ZNF813: variants seen among roughly 807,000 people sequenced by gnomAD.
ZNF813 encodes zinc finger protein 813.
Under a neutral mutation model 7.2 loss-of-function variants are expected in ZNF813, and 3 were observed. The observed-to-expected ratio is 0.42, with a 90% CI of 0.19 to 1.08. The LOEUF (loss-of-function observed/expected upper bound fraction) is 1.08. Ranked by LOEUF, ZNF813 falls within the 50% of genes least tolerant of loss-of-function variation. The probability of loss-of-function intolerance (pLI) is 0.30; values close to 1 mark genes in which losing one functional copy is unlikely to be tolerated. For synonymous variants in ZNF813, 227 were observed against 256.3 expected (o/e 0.89, Z 1.09); for missense variants, 714 against 753.3 (o/e 0.95, Z 0.61).
chr19:53,468,528 A>G (rs2086339856), intron 1 of ZNF813, among the ~76,000 whole-genome samples: 1 of 152,108 alleles, frequency 6.6e-6, no homozygotes. Flanking sequence ...CATTATTTTT[A>G]CTGTCCTAGT....
chr19:53,491,092 C>T lies in ZNF813; in HGVS notation c.860C>T (p.Thr287Ile), dbSNP rs2086458517. 6.2e-7 allele frequency: 1 copy of T among 1,614,054 alleles called. No homozygotes were observed. The highest frequency in any genetic ancestry group is 8.5e-7 in the Non-Finnish European group (1 of 1,179,982). Residue 287 changes from threonine to isoleucine, a missense_variant, in exon 4 of 4, where the codon ACA (threonine) becomes ATA (isoleucine). Around this residue, in one of 3 missense-constraint regions of ZNF813, gnomAD observed 563 missense variants for 554.2 expected, o/e 1.02. Coordinates refer to ENST00000396403, the MANE Select transcript of ZNF813 (RefSeq NM_001004301.4). ...GKTFSQTYSL[T>I]CHRRLHTGEK... Reference sequence around the variant, plus strand: ...ACTTTCAGTCAGACGTATTCCCTTACATGCCATCGTAGACTTCATACTGGA... The same window carrying T: ...ACTTTCAGTCAGACGTATTCCCTTATATGCCATCGTAGACTTCATACTGGA...
chr19:53,486,860 G>A lies in ZNF813; in HGVS notation c.142+102G>A, dbSNP rs186934760. ...GTCTTGCTCTGTCACCCAGGGTGGAGTGAAATGGTGTGATCATGGCTCACT... is the reference window on the plus strand; with the variant it reads ...GTCTTGCTCTGTCACCCAGGGTGGAATGAAATGGTGTGATCATGGCTCACT... On this transcript the variant is annotated intron_variant, in intron 3 of 3. Transcript: ENST00000396403. 4.5e-4 allele frequency: 707 copies of A among 1,569,806 alleles called. 4 individuals are homozygous for A. In the African/African-American group the frequency reaches 8.3e-3, roughly 18 times the overall value.
rs2086403956 is a variant in ZNF813, at chr19:53,480,677, G to C, written c.-73-3073G>C. ...CCTTTTACCTTAACATCAAAATGTA[G>C]TTTAACCAGTTAGTGTATTTTTCAG... On this transcript the variant is annotated intron_variant, in intron 1 of 3. Transcript: ENST00000396403. Among the ~76,000 whole-genome samples the C allele has an allele frequency of 3.9e-5, 6 of 152,312 alleles. No individual in the cohort carries two copies. The South Asian group carries it at 1.2e-3, about 32-fold the overall frequency.
chr19:53,486,990 T>A (rs201119030), intron 3 of ZNF813, among the ~76,000 whole-genome samples: 7 of 149,430 alleles, frequency 4.7e-5, no homozygotes, highest in East Asian at 2.0e-4. Context: ...AGTTTTTTTT[T>A]TTTTTTTTTT....
At position 53,493,437 on chromosome 19, in the gene ZNF813, A is replaced by G. The variant is rs1264365710; in HGVS notation, c.*1351A>G. On this transcript the variant is annotated 3_prime_UTR_variant, in exon 4 of 4. Transcript: ENST00000396403. ...TTCTCACCTTTTTACTTTTATTTCT[A>G]TTTCTTTAAGTTCTCTAGCAAATGG... The G allele has an allele frequency of 6.6e-6, 1 of 151,774 alleles. No individual in the cohort carries two copies. Among genetic ancestry groups the G allele is most frequent in the African/African-American group, 2.4e-5 (1 of 41,102 alleles). The allele number at this position is 151,774 out of a possible 1,614,324, so 9.4% of individuals were successfully genotyped here.
rs578167413 is a variant in ZNF813, at chr19:53,487,743, AGCTGAGACTGT to A, written c.142+988_142+998del. 5.4e-5 allele frequency among the ~76,000 whole-genome samples: 8 copies of A among 149,090 alleles called. No homozygotes were observed. The East Asian group carries it at 1.7e-3, about 31-fold the overall frequency. On this transcript the variant is annotated intron_variant, in intron 3 of 3. Transcript: ENST00000396403. ...AACCTGGGAGGTGAAGGTTGCAGTG[AGCTGAGACTGT>A]GCCATTGCCCTCCAGCCTGGGCAAC...
In ZNF813 at chr19:53,488,821, G is replaced by T. The variant is rs765601279; in HGVS notation, c.143-1554G>T. On this transcript the variant is annotated intron_variant, in intron 3 of 3. Coordinates refer to ENST00000396403, the MANE Select transcript of ZNF813 (RefSeq NM_001004301.4). ...ATTTCAGTTCTTATATTGTGTTCTG[G>T]TGGTATATAGAAGTTGTGGCTTTTT... is the stretch of plus-strand genomic sequence containing the variant. Among the ~76,000 whole-genome samples, 87 of 152,118 alleles carry T rather than the reference G, an allele frequency of 5.7e-4. 1 individual carries two copies. The highest frequency in any genetic ancestry group is 1.3e-4 in the Non-Finnish European group (9 of 68,016).
intron 1 of ZNF813, among the ~76,000 whole-genome samples, chr19:53,468,983 A>C (rs111838007): frequency 2.6e-5 from 4 of 151,224 alleles, no homozygotes; most frequent in South Asian, 2.1e-4. Flanking sequence ...GTGGGGGGAA[A>C]CTTGGACAAT....
intron 2 of ZNF813, among the ~76,000 whole-genome samples, chr19:53,486,353 A>G (rs2086433724): frequency 6.6e-6 from 1 of 151,770 alleles, no homozygotes; most frequent in Non-Finnish European, 1.5e-5. Flanking sequence ...AGGCTAAGGC[A>G]GGAGAATCGC....
chr19:53,472,186 G>C (rs1226674799), intron 1 of ZNF813, among the ~76,000 whole-genome samples: 1 of 152,176 alleles, frequency 6.6e-6, no homozygotes, highest in South Asian at 2.1e-4. Flanking sequence ...TTAGAATGGT[G>C]AAATTTACTG....
chr19:53,487,740 G>A (rs1459124616), intron 3 of ZNF813, among the ~76,000 whole-genome samples: 1 of 150,440 alleles, frequency 6.6e-6, no homozygotes, highest in African/African-American at 2.5e-5. Flanking sequence ...GAAGGTTGCA[G>A]TGAGCTGAGA....
rs200555748 is a variant in ZNF813 at position 53,490,685 on chromosome 19, C to T, written c.453C>T (p.Leu151=). ...GCTTTCATTCGCATCTGCCTGAACT[C>T]CACATGTTTCAGACCCAAGGGAAAA... is the stretch of plus-strand genomic sequence containing the variant. ...GSSFHSHLPE[L]HMFQTQGKIG... Residue 151 remains leucine, a synonymous_variant, in exon 4 of 4, where the codon CTC becomes CTT. Transcript: ENST00000396403. 6.1e-4 allele frequency: 983 copies of T among 1,614,152 alleles called. 6 individuals are homozygous for T. The highest frequency in any genetic ancestry group is 5.1e-4 in the Non-Finnish European group (602 of 1,180,030).
In ZNF813 at chr19:53,495,797, AAAAAT is replaced by A. The variant is rs144958277; in HGVS notation, c.*3715_*3719del. On this transcript the variant is annotated 3_prime_UTR_variant, in exon 4 of 4. Coordinates refer to ENST00000396403, the MANE Select transcript of ZNF813 (RefSeq NM_001004301.4). ...ATAAGAGCAAAACTTTGTCTCAAAA[AAAAAT>A]AAATAAATAAAAAATAAAATATGTC... 2,638 of 152,260 alleles carry A rather than the reference AAAAAT, an allele frequency of 0.017. 83 individuals carry two copies. The highest frequency in any genetic ancestry group is 0.062 in the African/African-American group (2,524 of 40,518). The allele number at this position is 152,260 out of a possible 1,614,324, so 9.4% of individuals were successfully genotyped here.
At chr19:53,468,978 G>T (rs980902769) in intron 1 of ZNF813, among the ~76,000 whole-genome samples, 13 of 120,516 alleles carry the variant, frequency 1.1e-4, no homozygotes, top group Non-Finnish European at 1.7e-4. Flanking sequence ...TCTCAGTGGG[G>T]GGAAACTTGG....
At chr19:53,467,878 A>G (rs2086335117) in intron 1 of ZNF813, 89 bp downstream of exon 1, 1 of 152,552 alleles carries the variant, frequency 6.6e-6, no homozygotes, top group Non-Finnish European at 1.5e-5. Flanking sequence ...ACAAACCTGG[A>G]AATTCTCAGC....
At chr19:53,478,054 G>A (rs1044232728) in intron 1 of ZNF813, among the ~76,000 whole-genome samples, 1 of 152,230 alleles carries the variant, frequency 6.6e-6, no homozygotes, top group Non-Finnish European at 1.5e-5. Context: ...CCAGAGAGCA[G>A]TGACTTATTC....
rs745637205 is a variant in ZNF813 at position 53,478,853 on chromosome 19, AATAG to A, written c.-73-4894_-73-4891del. 2.0e-5 allele frequency among the ~76,000 whole-genome samples: 3 copies of A among 152,212 alleles called. 1 individual carries two copies. Among genetic ancestry groups the A allele is most frequent in the South Asian group, 4.1e-4 (2 of 4,826 alleles). On this transcript the variant is annotated intron_variant, in intron 1 of 3. Transcript: ENST00000396403. ...CAAAAGTACATTTGTTCTTATGTGT[AATAG>A]ATTTACTTTATTTTCTTTGTTTCCT... is the stretch of plus-strand genomic sequence containing the variant.
In ZNF813 at chr19:53,493,375, C is replaced by A. The variant is rs988044381; in HGVS notation, c.*1289C>A. ...TTATATGTCTGTATATGTTTTTAATCATATTGATGTATATTTGTAGATTTC... is the reference window on the plus strand; with the variant it reads ...TTATATGTCTGTATATGTTTTTAATAATATTGATGTATATTTGTAGATTTC... On this transcript the variant is annotated 3_prime_UTR_variant, in exon 4 of 4. Transcript: ENST00000396403. 1 of 152,784 alleles carries A rather than the reference C, an allele frequency of 6.5e-6. No homozygotes were observed. Among genetic ancestry groups the A allele is most frequent in the African/African-American group, 2.4e-5 (1 of 41,420 alleles). 9.5% of individuals were successfully genotyped at this position (152,784 alleles called of 1,614,324 possible).
At chr19:53,486,876 A>G in intron 3 of ZNF813, 118 bp downstream of exon 3, 5 of 1,537,306 alleles carry the variant, frequency 3.3e-6, no homozygotes, top group Non-Finnish European at 4.4e-6. Context: ...TGGTGTGATC[A>G]TGGCTCACTG....
Sources: gnomAD v4.1 joint callset for allele counts (sites outside exome capture counted in the v4.1 genomes callset) on GRCh38, gnomAD v4.1.1 for gene constraint, gnomAD v4.1.1 regional missense constraint, MANE v1.5 for transcripts, NCBI Gene and HGNC (gene_info 2026-07-23, HGNC 2026-07-21) for gene names.